CAMK2D: variants seen among roughly 807,000 people sequenced by gnomAD.
CAMK2D encodes the protein calcium/calmodulin dependent protein kinase II delta, also known as calcium/calmodulin-dependent protein kinase type II subunit delta.
A neutral mutation model predicts 84.0 loss-of-function variants in CAMK2D; 37 were observed. That is an observed-to-expected ratio of 0.44 (90% CI 0.34 to 0.58). CAMK2D has a LOEUF of 0.58. CAMK2D is among the 20% of genes least tolerant of loss of function. The pLI, the probability that CAMK2D is intolerant of heterozygous loss-of-function variation, is 0.02. For synonymous variants in CAMK2D, 202 were observed against 212.5 expected, an observed-to-expected ratio of 0.95 and a Z score of 0.43; for missense variants, 448 against 652.5, an observed-to-expected ratio of 0.69 and a Z score of 3.41.
rs2097393367 is a variant in CAMK2D at position 113,462,298 on chromosome 4, GTCTGTCTGTCTGTCTGTC to G, written c.1212-2075_1212-2058del. On this transcript the variant is annotated intron_variant, in intron 17 of 20. Coordinates refer to ENST00000511664, the MANE Select transcript of CAMK2D (RefSeq NM_001321571.2). ...TGTGTGTGTGTGTGTGTGTGTGTCT[GTCTGTCTGTCTGTCTGTC>G]TGTCTGTCTGTCTGTCTGTCTGTCT... is the stretch of plus-strand genomic sequence containing the variant. 3.1e-3 allele frequency among the ~76,000 whole-genome samples: 352 copies of G among 113,820 alleles called. 1 individual carries two copies. The highest frequency in any genetic ancestry group is 5.2e-3 in the Middle Eastern group (1 of 192). The allele number at this position is 113,820 out of a possible 152,430, so 74.7% of individuals were successfully genotyped here. A position where few individuals can be genotyped will look rare whatever the true frequency, so the allele number is the denominator to read the frequency against.
At chr4:113,759,143 T>C (rs923003880) in intron 2 of CAMK2D, 177 bp downstream of exon 2, 4 of 375,624 alleles carry the variant, frequency 1.1e-5, no homozygotes, top group Non-Finnish European at 1.9e-5. Context: ...TATCTTTCCA[T>C]GTATTTTTAA....
Position 113,517,602 on chromosome 4 carries a change from T to G in CAMK2D, c.657A>C (p.Gln219His). Reference protein sequence around the residue: ...VGYPPFWDEDQHRLYQQIKAG... With the variant: ...VGYPPFWDEDHHRLYQQIKAG... Reference sequence around the variant, plus strand: ...CCTTGATCTGCTGATAGAGTCTGTGTTGGTCTTCATCCCAGAAGGGTGGAT... The same window carrying G: ...CCTTGATCTGCTGATAGAGTCTGTGGTGGTCTTCATCCCAGAAGGGTGGAT... Residue 219 changes from glutamine (Q) to histidine (H), a missense_variant, in exon 9 of 21, where the codon CAA (glutamine) becomes CAC (histidine). Around this residue, in one of 7 missense-constraint regions of CAMK2D, gnomAD observed 69 missense variants for 175.6 expected, o/e 0.39. Coordinates refer to ENST00000511664, the MANE Select transcript of CAMK2D (RefSeq NM_001321571.2). The G allele has an allele frequency of 6.3e-7, 1 of 1,592,028 alleles. No homozygotes were observed. Among genetic ancestry groups the G allele is most frequent in the Non-Finnish European group, 8.6e-7 (1 of 1,160,308 alleles).
chr4:113,529,342 G>C (rs1030767198), intron 8 of CAMK2D, among the ~76,000 whole-genome samples: 3 of 152,136 alleles, frequency 2.0e-5, no homozygotes, highest in Non-Finnish European at 2.9e-5. Context: ...ATAAAGTAGT[G>C]ATGATGAATT....
At position 113,582,813 on chromosome 4, in the gene CAMK2D, G is replaced by A. The variant is rs144003378; in HGVS notation, c.275+26339C>T. ...TAGACACTTATTGTTATAAGCTTTA[G>A]ACAGTATCTGAATTTAGACCACAGC... On this transcript the variant is annotated intron_variant, in intron 4 of 20. Transcript: ENST00000511664. Among the ~76,000 whole-genome samples the A allele has an allele frequency of 1.3e-3, 198 of 152,324 alleles. 1 individual carries two copies. The highest frequency in any genetic ancestry group is 4.7e-3 in the African/African-American group (194 of 41,564).
At chr4:113,548,908 T>A (rs964398472) in intron 5 of CAMK2D, among the ~76,000 whole-genome samples, 2 of 152,226 alleles carry the variant, frequency 1.3e-5, no homozygotes, top group Non-Finnish European at 2.9e-5. Context: ...ATTTTGGTTC[T>A]AACAAAAATG....
chr4:113,631,650 C>A (rs747374063), intron 3 of CAMK2D, among the ~76,000 whole-genome samples: 2 of 152,156 alleles, frequency 1.3e-5, no homozygotes, highest in Non-Finnish European at 2.9e-5. Flanking sequence ...AGCTGGGTAA[C>A]TATTGTCGTT....
chr4:113,477,508 G>A (rs565894887), intron 16 of CAMK2D, among the ~76,000 whole-genome samples: 87 of 151,858 alleles, frequency 5.7e-4, no homozygotes, highest in South Asian at 1.7e-3. Context: ...CACTTTGGGA[G>A]GCTGAGGTGA....
In CAMK2D at chr4:113,557,082, T is replaced by G. The variant is rs188158279; in HGVS notation, c.276-4986A>C. ...CAGATCTCTAACTAAATCTTGCTGATTATATCTCCAAAACAGGACTTGAAT... is the reference window on the plus strand; with the variant it reads ...CAGATCTCTAACTAAATCTTGCTGAGTATATCTCCAAAACAGGACTTGAAT... On this transcript the variant is annotated intron_variant, in intron 4 of 20. Coordinates refer to ENST00000511664, the MANE Select transcript of CAMK2D (RefSeq NM_001321571.2). Among the ~76,000 whole-genome samples the G allele has an allele frequency of 1.6e-3, 250 of 152,224 alleles. 4 individuals carry two copies. The highest frequency in any genetic ancestry group is 5.6e-3 in the African/African-American group (233 of 41,526).
intron 3 of CAMK2D, among the ~76,000 whole-genome samples, chr4:113,648,661 A>G (rs899961987): frequency 6.6e-6 from 1 of 152,194 alleles, no homozygotes; most frequent in East Asian, 1.9e-4. Flanking sequence ...TGGAGTTGCT[A>G]CAGACGTTAT....
At chr4:113,713,455 CATT>C (rs1248380803) in intron 2 of CAMK2D, among the ~76,000 whole-genome samples, 48 of 147,652 alleles carry the variant, frequency 3.3e-4, no homozygotes, top group African/African-American at 1.1e-3. Context: ...TGATAGTTTG[CATT>C]ATTATATGTA....
chr4:113,552,991 A>G (rs896960597), intron 4 of CAMK2D, among the ~76,000 whole-genome samples: 5 of 152,136 alleles, frequency 3.3e-5, no homozygotes, highest in African/African-American at 1.2e-4. Context: ...GAGGTAGATC[A>G]TTTTCTCATT....
chr4:113,726,898 G>A (rs565120402), intron 2 of CAMK2D, among the ~76,000 whole-genome samples: 49 of 152,134 alleles, frequency 3.2e-4, no homozygotes, highest in African/African-American at 1.1e-3. Context: ...AGTTTTAACC[G>A]CTCCTCTTAA....
intron 13 of CAMK2D, among the ~76,000 whole-genome samples, chr4:113,507,263 T>C (rs1434259711): frequency 2.6e-5 from 4 of 152,056 alleles, no homozygotes; most frequent in East Asian, 3.9e-4. Context: ...TTTTTTTTTT[T>C]CTTTGAGATG....
intron 3 of CAMK2D, among the ~76,000 whole-genome samples, chr4:113,633,078 G>T (rs576976088): frequency 7.1e-4 from 108 of 152,240 alleles, no homozygotes; most frequent in African/African-American, 2.6e-3. Flanking sequence ...TTCTACTGAA[G>T]AATATATTAG....
In CAMK2D at chr4:113,512,161, T is replaced by TGCG; in HGVS notation, c.946+1164_946+1166dup. On this transcript the variant is annotated intron_variant, in intron 12 of 20. Transcript: ENST00000511664. Reference sequence around the variant, plus strand: ...GTCTAAAGGGCCAAAGGTTACCAAGTGCGGCTTAATTGCTGCTCCAGTCCT... The same window carrying TGCG: ...GTCTAAAGGGCCAAAGGTTACCAAGTGCGGCGGCTTAATTGCTGCTCCAGTCCT... 1.3e-5 allele frequency among the ~76,000 whole-genome samples: 2 copies of TGCG among 152,332 alleles called. 1 individual carries two copies. Among genetic ancestry groups the TGCG allele is most frequent in the South Asian group, 4.1e-4 (2 of 4,834 alleles).
At chr4:113,732,541 T>C (rs571335523) in intron 2 of CAMK2D, among the ~76,000 whole-genome samples, 29 of 152,340 alleles carry the variant, frequency 1.9e-4, no homozygotes, top group Non-Finnish European at 3.2e-4. Context: ...TTGACTTTAA[T>C]CAAAATGATA....
chr4:113,559,526 C>T (rs1365817754), intron 4 of CAMK2D, among the ~76,000 whole-genome samples: 1 of 152,218 alleles, frequency 6.6e-6, no homozygotes, highest in Non-Finnish European at 1.5e-5. Context: ...AACTGAGCAT[C>T]ATTACCTGAT....
At chr4:113,743,685 A>C (rs73844672) in intron 2 of CAMK2D, among the ~76,000 whole-genome samples, 1,773 of 152,212 alleles carry the variant, frequency 0.012, 36 homozygotes, top group African/African-American at 0.041. Flanking sequence ...TGCCCAATAA[A>C]TACTACCCTC....
chr4:113,547,192 C>T (rs2098584300), intron 6 of CAMK2D, among the ~76,000 whole-genome samples: 1 of 152,138 alleles, frequency 6.6e-6, no homozygotes, highest in South Asian at 2.1e-4. Flanking sequence ...GGTTCTTTAG[C>T]ACATAATCGT....
Sources: gnomAD v4.1 joint callset for allele counts (sites outside exome capture counted in the v4.1 genomes callset) on GRCh38, gnomAD v4.1.1 for gene constraint, gnomAD v4.1.1 regional missense constraint, MANE v1.5 for transcripts, NCBI Gene and HGNC (gene_info 2026-07-23, HGNC 2026-07-21) for gene names.